Variants in SGCD observed in about 807,000 individuals in gnomAD.
The protein encoded by SGCD is sarcoglycan delta.
Under a neutral mutation model 36.6 loss-of-function variants are expected in SGCD, and 18 were observed. The ratio of observed to expected loss-of-function variants is 0.49; its 90% CI spans 0.34 to 0.73. The LOEUF is 0.73. SGCD is among the 30% of genes least tolerant of loss of function. The probability of loss-of-function intolerance (pLI) is 0.01; values close to 1 mark genes in which losing one functional copy is unlikely to be tolerated. For missense variants in SGCD, 387 were observed against 346.7 expected (o/e 1.12, Z -0.92); for synonymous variants, 133 against 130.6 (o/e 1.02, Z -0.12).
At chr5:156,156,057 A>G (rs1171148154) in intron 3 of SGCD, among the ~76,000 whole-genome samples, 1 of 151,670 alleles carries the variant, frequency 6.6e-6, no homozygotes, top group Non-Finnish European at 1.5e-5. Context: ...TTACCAGAGT[A>G]TTTCTTCTTC....
At chr5:156,757,357 G>C (rs1424632202) in intron 7 of SGCD, among the ~76,000 whole-genome samples, 1 of 148,706 alleles carries the variant, frequency 6.7e-6, no homozygotes, top group Admixed American at 6.7e-5. Flanking sequence ...GTGAAACCAG[G>C]ATCCTAGAAC....
chr5:156,332,969 T>G (rs892338454), intron 2 of SGCD, among the ~76,000 whole-genome samples: 3 of 152,252 alleles, frequency 2.0e-5, no homozygotes, highest in African/African-American at 7.2e-5. Context: ...TAGATGTACA[T>G]ACATATATAC....
Position 156,691,832 on chromosome 5 carries a change from A to G in SGCD, c.575+44296A>G, listed in dbSNP as rs529825060. Among the ~76,000 whole-genome samples the G allele has an allele frequency of 9.2e-5, 14 of 152,356 alleles. No homozygotes were observed. The South Asian group carries it at 2.7e-3, about 29-fold the overall frequency. On this transcript the variant is annotated intron_variant, in intron 7 of 8. Transcript: ENST00000337851. ...TCTGCATATGCTAGATTTGCTGAAC[A>G]TGAATAAAAGTATAAAATGTATGTA...
chr5:156,308,384 C>T (rs944576827), intron 3 of SGCD, among the ~76,000 whole-genome samples: 8 of 151,840 alleles, frequency 5.3e-5, no homozygotes, highest in African/African-American at 1.2e-4. Context: ...CTGAAAGCTC[C>T]GCCTCCCGGG....
rs541704215 is a variant in SGCD at position 156,230,829 on chromosome 5, T to G, written c.-43-98705T>G. On this transcript the variant is annotated intron_variant, in intron 3 of 9. Transcript: ENST00000517913. ...TGCATAGTGCTGAACATATAGTAAATGCTTAGTAACTGTTTAGTGGTCAGA... is the reference window on the plus strand; with the variant it reads ...TGCATAGTGCTGAACATATAGTAAAGGCTTAGTAACTGTTTAGTGGTCAGA... 3.9e-5 allele frequency among the ~76,000 whole-genome samples: 6 copies of G among 152,278 alleles called. No homozygotes were observed. In the East Asian group the frequency reaches 9.7e-4, roughly 24 times the overall value.
At chr5:155,769,203 A>T in the SGCD span, among the ~76,000 whole-genome samples, 8 of 152,230 alleles carry the variant, frequency 5.3e-5, no homozygotes, top group Non-Finnish European at 1.0e-4. Flanking sequence ...GTGTAAAAAA[A>T]TTTGAGTTAA....
chr5:156,632,155 A>G (rs2113535204), intron 6 of SGCD, among the ~76,000 whole-genome samples: 1 of 152,266 alleles, frequency 6.6e-6, no homozygotes, highest in Non-Finnish European at 1.5e-5. Context: ...AAACACCTTC[A>G]TTCAGGCAGC....
intron 1 of SGCD, among the ~76,000 whole-genome samples, chr5:155,972,839 A>T (rs181756297): frequency 1.8e-4 from 28 of 152,302 alleles, no homozygotes; most frequent in Admixed American, 9.8e-4. Context: ...GAATCTTTTC[A>T]TATGACTGTC....
chr5:155,925,331 TC>T (rs1351661869), intron 1 of SGCD, among the ~76,000 whole-genome samples: 1 of 152,144 alleles, frequency 6.6e-6, no homozygotes, highest in Non-Finnish European at 1.5e-5. Context: ...GTACCACAAA[TC>T]AGGTGGCTTA....
intron 3 of SGCD, among the ~76,000 whole-genome samples, chr5:156,254,237 A>T (rs1765655217): frequency 6.6e-6 from 1 of 152,178 alleles, no homozygotes; most frequent in Non-Finnish European, 1.5e-5. Context: ...CATTTTTAAA[A>T]ATTATACTTT....
intron 1 of SGCD, among the ~76,000 whole-genome samples, chr5:156,050,125 T>G (rs1365211537): frequency 6.8e-6 from 1 of 146,762 alleles, no homozygotes. Flanking sequence ...AAGTTCTACT[T>G]TGGGTAAAAT....
At chr5:156,735,898 A>G (rs1756333763) in intron 7 of SGCD, among the ~76,000 whole-genome samples, 2 of 151,780 alleles carry the variant, frequency 1.3e-5, no homozygotes, top group South Asian at 4.2e-4. Flanking sequence ...CTGTGCCAAG[A>G]CTCCATGTAG....
chr5:156,668,348 CT>C (rs1195132218), intron 7 of SGCD, among the ~76,000 whole-genome samples: 1 of 152,138 alleles, frequency 6.6e-6, no homozygotes, highest in Non-Finnish European at 1.5e-5. Flanking sequence ...CCCCTTTTCC[CT>C]ATTAGTATCG....
intron 3 of SGCD, among the ~76,000 whole-genome samples, chr5:156,372,611 C>T (rs931953080): frequency 2.0e-5 from 3 of 152,170 alleles, no homozygotes; most frequent in Non-Finnish European, 4.4e-5. Flanking sequence ...CTTCCTCCAT[C>T]AACCAAAATA....
At chr5:156,320,386 T>C (rs1419840478) in intron 3 of SGCD, among the ~76,000 whole-genome samples, 1 of 152,174 alleles carries the variant, frequency 6.6e-6, no homozygotes, top group African/African-American at 2.4e-5. Context: ...TATTGATCAA[T>C]AAATTTTATT....
At chr5:156,458,363 T>A in intron 3 of SGCD, 1 of 1,309,036 alleles carries the variant, frequency 7.6e-7, no homozygotes, top group Non-Finnish European at 1.1e-6. Flanking sequence ...ATTACTTTTC[T>A]GATATGTTTG....
the SGCD span, among the ~76,000 whole-genome samples, chr5:155,820,358 A>C: frequency 6.6e-6 from 1 of 152,148 alleles, no homozygotes; most frequent in Non-Finnish European, 1.5e-5. Context: ...CAGGTGATCA[A>C]TTAAAATACT....
the SGCD span, among the ~76,000 whole-genome samples, chr5:155,804,104 G>C: frequency 6.6e-6 from 1 of 152,106 alleles, no homozygotes; most frequent in African/African-American, 2.4e-5. Flanking sequence ...GATTGGAGTT[G>C]GACGTGACCT....
intron 3 of SGCD, among the ~76,000 whole-genome samples, chr5:156,419,334 C>T (rs1773196600): frequency 6.6e-6 from 1 of 152,088 alleles, no homozygotes; most frequent in African/African-American, 2.4e-5. Context: ...TCTGGGACTT[C>T]CTACCTTTTT....
Sources: gnomAD v4.1 joint callset for allele counts (sites outside exome capture counted in the v4.1 genomes callset) on GRCh38, gnomAD v4.1.1 for gene constraint, MANE v1.5 for transcripts, NCBI Gene and HGNC (gene_info 2026-07-23, HGNC 2026-07-21) for gene names.